MEI4: variants seen among roughly 807,000 people sequenced by gnomAD.
MEI4 encodes meiosis-specific protein MEI4.
MEI4 carries 27 observed loss-of-function variants against 31.4 expected under a neutral mutation model. The ratio of observed to expected loss-of-function variants is 0.86; its 90% confidence interval spans 0.63 to 1.19. MEI4 has a LOEUF of 1.19. Among genes scored for constraint, MEI4 ranks in the 50% most tolerant of loss-of-function variants. The pLI is 0.00. For missense variants in MEI4, 329 were observed against 398.9 expected, an observed-to-expected ratio of 0.82 and a Z score of 1.49; for synonymous variants, 122 against 145.4, an observed-to-expected ratio of 0.84 and a Z score of 1.16.
At chr6:77,892,212 C>G (rs900925139) in intron 4 of MEI4, among the ~76,000 whole-genome samples, 5 of 152,068 alleles carry the variant, frequency 3.3e-5, no homozygotes, top group African/African-American at 4.8e-5. Context: ...CCCCTACTCC[C>G]CATGATGGTG....
At chr6:77,702,763 C>A (rs1339716772) in intron 2 of MEI4, among the ~76,000 whole-genome samples, 5 of 152,212 alleles carry the variant, frequency 3.3e-5, no homozygotes, top group Non-Finnish European at 5.9e-5. Flanking sequence ...TCCAGCCCAA[C>A]CTGTCACCAC....
At chr6:77,866,885 A>G (rs1771047206) in intron 4 of MEI4, among the ~76,000 whole-genome samples, 1 of 152,200 alleles carries the variant, frequency 6.6e-6, no homozygotes, top group African/African-American at 2.4e-5. Flanking sequence ...ATATAGACCA[A>G]TGGAACAGAA....
intron 4 of MEI4, among the ~76,000 whole-genome samples, chr6:77,894,411 C>T (rs980683934): frequency 4.0e-5 from 6 of 151,638 alleles, no homozygotes; most frequent in Admixed American, 6.6e-5. Flanking sequence ...AAGAAAGAAA[C>T]GTAATACAAG....
At chr6:77,864,444 A>T (rs1770961073) in intron 4 of MEI4, among the ~76,000 whole-genome samples, 1 of 152,194 alleles carries the variant, frequency 6.6e-6, no homozygotes, top group Non-Finnish European at 1.5e-5. Context: ...GTCTCTGATA[A>T]AACAGACTTT....
intron 2 of MEI4, among the ~76,000 whole-genome samples, chr6:77,698,418 T>A (rs1283217769): frequency 6.6e-6 from 1 of 152,218 alleles, no homozygotes; most frequent in East Asian, 1.9e-4. Context: ...GTTGTTCCTT[T>A]CTATGTTTAG....
intron 2 of MEI4, among the ~76,000 whole-genome samples, chr6:77,740,761 TAGAC>T: frequency 6.6e-6 from 1 of 151,980 alleles, no homozygotes. Flanking sequence ...TTTATCTGTA[TAGAC>T]ACACACATAT....
intron 3 of MEI4, among the ~76,000 whole-genome samples, chr6:77,823,790 A>G (rs559945853): frequency 3.7e-4 from 56 of 152,254 alleles, no homozygotes; most frequent in African/African-American, 1.3e-3. Context: ...AAAGTAGGAA[A>G]CACATTAGTG....
At chr6:77,796,415 A>C (rs1023268475) in intron 3 of MEI4, among the ~76,000 whole-genome samples, 2 of 152,158 alleles carry the variant, frequency 1.3e-5, no homozygotes, top group Non-Finnish European at 2.9e-5. Flanking sequence ...GAAAGGAAGA[A>C]GTTACTTTAT....
At chr6:77,697,768 A>G (rs1329208868) in intron 2 of MEI4, among the ~76,000 whole-genome samples, 2 of 152,186 alleles carry the variant, frequency 1.3e-5, no homozygotes, top group South Asian at 2.1e-4. Flanking sequence ...AGAGTTCTGT[A>G]GATGTCTATT....
intron 3 of MEI4, among the ~76,000 whole-genome samples, chr6:77,784,835 C>T (rs76506864): frequency 1.8e-4 from 28 of 152,170 alleles, no homozygotes; most frequent in Non-Finnish European, 2.4e-4. Flanking sequence ...TATAATTGGC[C>T]ATCTGAGTCC....
intron 4 of MEI4, among the ~76,000 whole-genome samples, chr6:77,853,338 C>T (rs1770675830): frequency 6.6e-6 from 1 of 152,162 alleles, no homozygotes; most frequent in African/African-American, 2.4e-5. Flanking sequence ...TAGACCAATC[C>T]TTGCATTTAC....
chr6:77,699,726 T>C (rs1357470945), intron 2 of MEI4, among the ~76,000 whole-genome samples: 3 of 152,206 alleles, frequency 2.0e-5, no homozygotes, highest in Non-Finnish European at 2.9e-5. Context: ...ACTTTTGGTC[T>C]TTGATGATGG....
chr6:77,914,833 C>CT (rs918077064), intron 4 of MEI4, among the ~76,000 whole-genome samples: 6 of 151,856 alleles, frequency 4.0e-5, no homozygotes, highest in Admixed American at 2.6e-4. Flanking sequence ...ATTGACTTCA[C>CT]TTTTTTTTGA....
Position 77,923,488 on chromosome 6 carries a change from G to A in MEI4, c.*142G>A. 2 of 729,440 alleles carry A rather than the reference G, an allele frequency of 2.7e-6. No individual in the cohort carries two copies. Among genetic ancestry groups the A allele is most frequent in the Non-Finnish European group, 1.9e-6 (1 of 533,438 alleles). The allele number at this position is 729,440 out of a possible 1,614,324, so 45.2% of individuals were successfully genotyped here. ...ATATAATTATCAATTCAACTTAATG[G>A]TTAGTCTTAAATTGTATGAAATTTT... On this transcript the variant is annotated 3_prime_UTR_variant, in exon 5 of 5. Coordinates refer to ENST00000684080, the MANE Select transcript of MEI4 (RefSeq NM_001322247.2).
chr6:77,711,036 T>A (rs1195209235), intron 2 of MEI4, among the ~76,000 whole-genome samples: 1 of 152,182 alleles, frequency 6.6e-6, no homozygotes, highest in East Asian at 1.9e-4. Flanking sequence ...GAGATCAGCT[T>A]TTTTAGATTC....
At chr6:77,681,866 G>A (rs1213416840) in intron 1 of MEI4, among the ~76,000 whole-genome samples, 1 of 152,146 alleles carries the variant, frequency 6.6e-6, no homozygotes, top group Non-Finnish European at 1.5e-5. Context: ...CTGCTGGAAA[G>A]GCTTCCACAG....
chr6:77,650,285 C>A (rs911595809), upstream of MEI4, among the ~76,000 whole-genome samples: 1 of 152,210 alleles, frequency 6.6e-6, no homozygotes, highest in South Asian at 2.1e-4. Flanking sequence ...GAGTTATTTT[C>A]TCTGGACTGG....
At chr6:77,895,330 T>G (rs542323905) in intron 4 of MEI4, among the ~76,000 whole-genome samples, 14 of 152,248 alleles carry the variant, frequency 9.2e-5, no homozygotes, top group African/African-American at 3.4e-4. Context: ...TTTCAGAGAT[T>G]AACGACACCT....
At chr6:77,732,260 G>A (rs1222035172) in intron 2 of MEI4, among the ~76,000 whole-genome samples, 2 of 151,922 alleles carry the variant, frequency 1.3e-5, no homozygotes, top group Admixed American at 6.6e-5. Flanking sequence ...CTACCCATGA[G>A]CATGGAATGT....
Sources: gnomAD v4.1 joint callset for allele counts (sites outside exome capture counted in the v4.1 genomes callset) on GRCh38, gnomAD v4.1.1 for gene constraint, MANE v1.5 for transcripts, NCBI Gene and HGNC (gene_info 2026-07-23, HGNC 2026-07-21) for gene names.